Variants in CLEC16A observed in about 807,000 individuals in gnomAD.
CLEC16A encodes C-type lectin domain containing 16A, also known as protein CLEC16A.
Under a neutral mutation model 109.5 loss-of-function variants are expected in CLEC16A, and 51 were observed. The observed-to-expected ratio is 0.47, with a 90% CI of 0.37 to 0.59. The LOEUF is 0.59. CLEC16A is among the 20% of genes least tolerant of loss of function. The pLI is 0.00. For synonymous variants in CLEC16A, 673 were observed against 564.2 expected (o/e 1.19, Z -2.73); for missense variants, 1,339 against 1,394.0 (o/e 0.96, Z 0.63).
chr16:11,019,549 A>G (rs1323608000), intron 11 of CLEC16A, among the ~76,000 whole-genome samples: 3 of 152,228 alleles, frequency 2.0e-5, no homozygotes, highest in South Asian at 2.1e-4. Flanking sequence ...TGGGTGGATC[A>G]CCTGAGGTCA....
At chr16:11,136,517 A>C (rs2053570675) in intron 22 of CLEC16A, among the ~76,000 whole-genome samples, 1 of 152,200 alleles carries the variant, frequency 6.6e-6, no homozygotes, top group Admixed American at 6.5e-5. Context: ...TTGGGACCCC[A>C]GAAAATAGGT....
intron 22 of CLEC16A, among the ~76,000 whole-genome samples, chr16:11,143,362 G>A (rs1380644381): frequency 6.6e-6 from 1 of 152,170 alleles, no homozygotes. Flanking sequence ...GGTTCCAGAG[G>A]CTGAAGAAGA....
chr16:10,992,871 G>A (rs1156911148), intron 10 of CLEC16A, among the ~76,000 whole-genome samples: 5 of 152,162 alleles, frequency 3.3e-5, no homozygotes, highest in Non-Finnish European at 1.5e-5. Context: ...TGGGAGGTAT[G>A]ATGAGGGAAG....
Position 10,960,235 on chromosome 16 carries a change from T to C in CLEC16A, c.210-2220T>C, listed in dbSNP as rs186704146. Among the ~76,000 whole-genome samples the C allele has an allele frequency of 1.5e-3, 223 of 152,322 alleles. 1 individual carries two copies. The highest frequency in any genetic ancestry group is 2.1e-3 in the Non-Finnish European group (143 of 68,018). On this transcript the variant is annotated intron_variant, in intron 2 of 23. Coordinates refer to ENST00000409790, the MANE Select transcript of CLEC16A (RefSeq NM_015226.3). ...GGATTTTGCCAGTTTTTCATTAATATCTCCTTTCTGTCCTAGCATCCCATC... is the reference window on the plus strand; with the variant it reads ...GGATTTTGCCAGTTTTTCATTAATACCTCCTTTCTGTCCTAGCATCCCATC...
At chr16:11,107,544 C>T (rs1330922799) in intron 19 of CLEC16A, among the ~76,000 whole-genome samples, 4 of 152,202 alleles carry the variant, frequency 2.6e-5, no homozygotes, top group Admixed American at 6.5e-5. Context: ...TTCACACCCT[C>T]GGTGGGAACA....
chr16:11,018,501 G>A (rs2045899520), intron 11 of CLEC16A, among the ~76,000 whole-genome samples: 1 of 152,028 alleles, frequency 6.6e-6, no homozygotes, highest in African/African-American at 2.4e-5. Flanking sequence ...TGTAATCCCA[G>A]CACTTTGGGA....
intron 19 of CLEC16A, among the ~76,000 whole-genome samples, chr16:11,095,862 G>T (rs868528406): frequency 6.7e-6 from 1 of 149,950 alleles, no homozygotes; most frequent in Non-Finnish European, 1.5e-5. Context: ...TAGCTGTAGC[G>T]TAAGATTGGC....
At chr16:11,001,531 T>G (rs1473333419) in intron 10 of CLEC16A, among the ~76,000 whole-genome samples, 1 of 152,242 alleles carries the variant, frequency 6.6e-6, no homozygotes, top group Non-Finnish European at 1.5e-5. Flanking sequence ...CTGTGTGACA[T>G]TGGGCAAGTT....
chr16:11,166,237 T>G (rs1193846960), intron 22 of CLEC16A, 151 bp from the exon 23 acceptor site: 2 of 756,090 alleles, frequency 2.6e-6, no homozygotes, highest in East Asian at 3.2e-5. Context: ...TGTGGCTGGG[T>G]CAGGGCCACG....
intron 11 of CLEC16A, among the ~76,000 whole-genome samples, chr16:11,011,993 G>C (rs2045447960): frequency 6.6e-6 from 1 of 152,064 alleles, no homozygotes; most frequent in Non-Finnish European, 1.5e-5. Context: ...TTAAAAAACA[G>C]TTCAGGATGT....
In CLEC16A at chr16:11,130,338, G is replaced by T. The variant is rs1251977963; in HGVS notation, c.2641+4192G>T. Among the ~76,000 whole-genome samples the T allele has an allele frequency of 2.0e-5, 3 of 152,182 alleles. No individual in the cohort carries two copies. The East Asian group carries it at 5.8e-4, about 29-fold the overall frequency. ...GGAAGACAAGGAAAGTCCCTCTGGG[G>T]CCCTAGATACTTGGTGGTTTAGTCC... On this transcript the variant is annotated intron_variant, in intron 22 of 23. Transcript: ENST00000409790.
At chr16:10,981,753 A>G (rs1017994565) in intron 9 of CLEC16A, among the ~76,000 whole-genome samples, 3 of 152,360 alleles carry the variant, frequency 2.0e-5, no homozygotes, top group Admixed American at 6.5e-5. Context: ...CCTGACTTCT[A>G]TCCCCAGAGA....
intron 11 of CLEC16A, among the ~76,000 whole-genome samples, chr16:11,017,936 A>T (rs1214172395): frequency 6.6e-6 from 1 of 152,066 alleles, no homozygotes; most frequent in African/African-American, 2.4e-5. Flanking sequence ...ATTGGGAAAA[A>T]CTAATGAAAT....
intron 18 of CLEC16A, 141 bp downstream of exon 18, chr16:11,051,782 G>T: frequency 9.0e-7 from 1 of 1,116,940 alleles, no homozygotes; most frequent in Non-Finnish European, 1.3e-6. Context: ...GTACCCATTT[G>T]CCCCCAGGCA....
chr16:11,113,875 G>A (rs1035047133), intron 19 of CLEC16A, among the ~76,000 whole-genome samples: 3 of 152,096 alleles, frequency 2.0e-5, no homozygotes, highest in Non-Finnish European at 4.4e-5. Flanking sequence ...TTTAGCCCAC[G>A]CGTGTGAGTG....
At chr16:11,043,772 G>A (rs1267661058) in intron 15 of CLEC16A, among the ~76,000 whole-genome samples, 3 of 152,044 alleles carry the variant, frequency 2.0e-5, no homozygotes, top group African/African-American at 7.3e-5. Flanking sequence ...GGTTGAGACA[G>A]GAGAATCACT....
intron 11 of CLEC16A, among the ~76,000 whole-genome samples, chr16:11,009,578 A>G (rs529114882): frequency 1.0e-3 from 159 of 152,276 alleles, no homozygotes; most frequent in African/African-American, 3.6e-3. Flanking sequence ...AGAGGCGGGA[A>G]ACTTCAGTTG....
chr16:11,043,720 C>A (rs192680751), intron 15 of CLEC16A, among the ~76,000 whole-genome samples: 1 of 151,984 alleles, frequency 6.6e-6, no homozygotes, highest in African/African-American at 2.4e-5. Flanking sequence ...CAAAAATTAG[C>A]CAGGCATGGT....
intron 3 of CLEC16A, among the ~76,000 whole-genome samples, chr16:10,963,490 G>A (rs1238233998): frequency 1.3e-5 from 2 of 152,130 alleles, no homozygotes; most frequent in East Asian, 3.9e-4. Flanking sequence ...AGTTGGGGTC[G>A]CTGAATCATC....
Sources: gnomAD v4.1 joint callset for allele counts (sites outside exome capture counted in the v4.1 genomes callset) on GRCh38, gnomAD v4.1.1 for gene constraint, MANE v1.5 for transcripts, NCBI Gene and HGNC (gene_info 2026-07-23, HGNC 2026-07-21) for gene names.